Variants in GRIK2 observed in about 807,000 individuals in gnomAD.
GRIK2 encodes glutamate receptor ionotropic, kainate 2.
A neutral mutation model predicts 100.3 loss-of-function variants in GRIK2; 32 were observed. The ratio of observed to expected loss-of-function variants is 0.32; its 90% CI spans 0.24 to 0.43. The LOEUF is 0.43. Ranked by LOEUF, GRIK2 falls within the 20% of genes least tolerant of loss-of-function variation. The probability of loss-of-function intolerance (pLI) is 1.00; values close to 1 mark genes in which losing one functional copy is unlikely to be tolerated. For missense variants in GRIK2, 843 were observed against 1,114.9 expected (o/e 0.76, Z 3.47); for synonymous variants, 417 against 389.4 (o/e 1.07, Z -0.83).
At chr6:101,569,879 T>C (rs1777451036) in intron 2 of GRIK2, among the ~76,000 whole-genome samples, 1 of 152,158 alleles carries the variant, frequency 6.6e-6, no homozygotes, top group South Asian at 2.1e-4. Context: ...GGAAATCTTT[T>C]TGAATTACTT....
At position 101,399,008 on chromosome 6, in the gene GRIK2, G is replaced by T. The variant is rs1775132424; in HGVS notation, c.-270G>T. 2.1e-5 allele frequency: 9 copies of T among 434,032 alleles called. No individual in the cohort carries two copies. The East Asian group carries it at 3.1e-4, about 15-fold the overall frequency. 26.9% of individuals were successfully genotyped at this position (434,032 alleles called of 1,614,324 possible). On this transcript the variant is annotated 5_prime_UTR_variant, in exon 2 of 17. Coordinates refer to ENST00000369134, the MANE Select transcript of GRIK2 (RefSeq NM_021956.5). ...AGGCTCGCGCGGCCGGACATTGTGG[G>T]TGTGCGTGCTGGATTTCTCCCGGAT...
intron 4 of GRIK2, among the ~76,000 whole-genome samples, chr6:101,660,942 A>G (rs1421832577): frequency 6.6e-6 from 1 of 152,094 alleles, no homozygotes; most frequent in African/African-American, 2.4e-5. Context: ...CCCAGTCAGG[A>G]GGCATGGGGA....
intron 2 of GRIK2, among the ~76,000 whole-genome samples, chr6:101,443,462 A>G (rs536673745): frequency 1.3e-3 from 199 of 152,274 alleles, no homozygotes; most frequent in Non-Finnish European, 2.4e-3. Flanking sequence ...ATGTGGCAGT[A>G]TTGTGATGAT....
intron 7 of GRIK2, among the ~76,000 whole-genome samples, chr6:101,767,895 T>G (rs1407309035): frequency 6.6e-6 from 1 of 152,162 alleles, no homozygotes; most frequent in Non-Finnish European, 1.5e-5. Flanking sequence ...TCTGCCTCTG[T>G]CACCCAGGCC....
chr6:101,761,777 C>CTCCCTCCT (rs1366408532), intron 7 of GRIK2, among the ~76,000 whole-genome samples: 2 of 141,422 alleles, frequency 1.4e-5, no homozygotes, highest in African/African-American at 2.6e-5. Flanking sequence ...ATTTCCCTCC[C>CTCCCTCCT]TCCCTCCCTC....
chr6:102,037,997 G>A (rs1770362150), intron 15 of GRIK2, among the ~76,000 whole-genome samples: 1 of 151,442 alleles, frequency 6.6e-6, no homozygotes, highest in African/African-American at 2.4e-5. Context: ...GCAGTATTCT[G>A]CACACTGATA....
intron 2 of GRIK2, among the ~76,000 whole-genome samples, chr6:101,437,405 A>G (rs753410074): frequency 6.6e-6 from 1 of 152,106 alleles, no homozygotes; most frequent in Non-Finnish European, 1.5e-5. Context: ...ACAACTGCCA[A>G]CAACGGTGTG....
intron 2 of GRIK2, among the ~76,000 whole-genome samples, chr6:101,553,126 G>A (rs1435559679): frequency 1.3e-5 from 2 of 152,028 alleles, no homozygotes; most frequent in Non-Finnish European, 2.9e-5. Context: ...TTAGAAAGGA[G>A]GCAGAAAAAG....
chr6:101,527,577 C>T (rs1261697486), intron 2 of GRIK2, among the ~76,000 whole-genome samples: 7 of 152,146 alleles, frequency 4.6e-5, no homozygotes, highest in African/African-American at 7.2e-5. Context: ...AACCACTTCT[C>T]GACTTTGTGA....
At chr6:102,023,060 A>G (rs1769515671) in intron 14 of GRIK2, among the ~76,000 whole-genome samples, 1 of 151,548 alleles carries the variant, frequency 6.6e-6, no homozygotes, top group African/African-American at 2.4e-5. Context: ...AGAATGGCAT[A>G]CTGGAGAGTG....
At chr6:101,448,039 A>T (rs1770474441) in intron 2 of GRIK2, among the ~76,000 whole-genome samples, 1 of 151,714 alleles carries the variant, frequency 6.6e-6, no homozygotes, top group Non-Finnish European at 1.5e-5. Context: ...ATTAACATGT[A>T]GGCAGCCAGA....
intron 14 of GRIK2, among the ~76,000 whole-genome samples, chr6:101,957,843 T>A (rs1253332875): frequency 6.6e-6 from 1 of 152,098 alleles, no homozygotes; most frequent in African/African-American, 2.4e-5. Flanking sequence ...GTTGTAGGTA[T>A]GTGGCTTTAT....
intron 10 of GRIK2, among the ~76,000 whole-genome samples, chr6:101,837,599 T>G (rs1459524648): frequency 6.6e-6 from 1 of 152,228 alleles, no homozygotes; most frequent in African/African-American, 2.4e-5. Flanking sequence ...AATTTTAGGC[T>G]GATGCACATT....
intron 4 of GRIK2, among the ~76,000 whole-genome samples, chr6:101,635,078 G>T (rs1247022005): frequency 6.6e-6 from 1 of 152,034 alleles, no homozygotes; most frequent in African/African-American, 2.4e-5. Context: ...ATATTATGAA[G>T]CATACAATCA....
intron 14 of GRIK2, among the ~76,000 whole-genome samples, chr6:102,001,925 T>G (rs903935697): frequency 3.3e-5 from 5 of 151,910 alleles, no homozygotes; most frequent in Admixed American, 1.3e-4. Flanking sequence ...TATCAGAAAT[T>G]AATTTCAAAG....
chr6:101,754,492 T>C (rs1162980467), intron 7 of GRIK2, among the ~76,000 whole-genome samples: 1 of 152,214 alleles, frequency 6.6e-6, no homozygotes, highest in Non-Finnish European at 1.5e-5. Flanking sequence ...ATCTACTTAA[T>C]ATTTTGTAAG....
chr6:101,607,972 A>G (rs566078693), intron 2 of GRIK2, among the ~76,000 whole-genome samples: 53 of 151,802 alleles, frequency 3.5e-4, no homozygotes, highest in African/African-American at 1.3e-3. Context: ...GAGAATTATC[A>G]TTGTCTTTGC....
chr6:101,565,461 T>G (rs1777210528), intron 2 of GRIK2, among the ~76,000 whole-genome samples: 1 of 152,124 alleles, frequency 6.6e-6, no homozygotes, highest in Admixed American at 6.6e-5. Context: ...AAGTGCATTT[T>G]TATATGTTCT....
At chr6:101,987,569 A>G (rs1448856068) in intron 14 of GRIK2, among the ~76,000 whole-genome samples, 1 of 151,214 alleles carries the variant, frequency 6.6e-6, no homozygotes, top group East Asian at 1.9e-4. Context: ...TACTAAGCCT[A>G]TTAATGACAT....
Sources: gnomAD v4.1 joint callset for allele counts (sites outside exome capture counted in the v4.1 genomes callset) on GRCh38, gnomAD v4.1.1 for gene constraint, MANE v1.5 for transcripts, NCBI Gene and HGNC (gene_info 2026-07-23, HGNC 2026-07-21) for gene names.